The following RIMKLB variants were observed in gnomAD, a reference collection of about 807,000 sequenced individuals.
RIMKLB encodes beta-citrylglutamate synthase B.
A neutral mutation model predicts 32.0 loss-of-function variants in RIMKLB; 7 were observed. The ratio of observed to expected loss-of-function variants is 0.22; its 90% CI spans 0.12 to 0.41. The LOEUF (loss-of-function observed/expected upper bound fraction) is 0.41, where lower values mean the gene tolerates loss of function less well. Ranked by LOEUF, RIMKLB falls within the 10% of genes least tolerant of loss-of-function variation. The pLI, the probability that RIMKLB is intolerant of heterozygous loss-of-function variation, is 1.00. For synonymous variants in RIMKLB, 172 were observed against 185.1 expected (o/e 0.93, Z 0.57); for missense variants, 289 against 498.7 (o/e 0.58, Z 4.00).
intron 5 of RIMKLB, among the ~76,000 whole-genome samples, chr12:8,758,628 T>C (rs989594824): frequency 6.6e-6 from 1 of 152,216 alleles, no homozygotes; most frequent in Non-Finnish European, 1.5e-5. Flanking sequence ...CTCCACCCTT[T>C]GGTCATGTTC....
In RIMKLB at chr12:8,776,823, C is replaced by T; in HGVS notation, c.*3039C>T. The T allele has an allele frequency of 1.0e-6, 1 of 985,732 alleles. No homozygotes were observed. Among genetic ancestry groups the T allele is most frequent in the Non-Finnish European group, 1.2e-6 (1 of 829,884 alleles). The allele number at this position is 985,732 out of a possible 1,614,324, so 61.1% of individuals were successfully genotyped here. ...CAAGAGACTTGGCATTCATCAAGCACATTATCAGACTTTGAGAACATATTG... is the reference window on the plus strand; with the variant it reads ...CAAGAGACTTGGCATTCATCAAGCATATTATCAGACTTTGAGAACATATTG... On this transcript the variant is annotated 3_prime_UTR_variant, in exon 6 of 6. Transcript: ENST00000535829.
chr12:8,709,600 C>G (rs1944191673), intron 1 of RIMKLB, among the ~76,000 whole-genome samples: 2 of 152,194 alleles, frequency 1.3e-5, no homozygotes, highest in Admixed American at 1.3e-4. Flanking sequence ...TGGGGAGGCC[C>G]CATCGCTTGG....
chr12:8,769,970 A>ATTT, intron 5 of RIMKLB, among the ~76,000 whole-genome samples: 1 of 141,440 alleles, frequency 7.1e-6, no homozygotes, highest in Non-Finnish European at 1.5e-5. Flanking sequence ...TGTAGCAATA[A>ATTT]TTTTTTTTTT....
chr12:8,730,663 A>G (rs1166863738), intron 2 of RIMKLB, among the ~76,000 whole-genome samples: 4 of 152,254 alleles, frequency 2.6e-5, no homozygotes, highest in South Asian at 2.1e-4. Context: ...GATCAAGACA[A>G]CTTTGCATTG....
rs916420002 is a variant in RIMKLB, at chr12:8,776,587, T to C, written c.*2803T>C. 2.4e-6 allele frequency: 2 copies of C among 836,104 alleles called. No homozygotes were observed. The highest frequency in any genetic ancestry group is 1.1e-4 in the South Asian group (2 of 18,152). The allele number at this position is 836,104 out of a possible 1,614,324, so 51.8% of individuals were successfully genotyped here. On this transcript the variant is annotated 3_prime_UTR_variant, in exon 6 of 6. Coordinates refer to ENST00000535829, the MANE Select transcript of RIMKLB (RefSeq NM_001297776.2). Reference sequence around the variant, plus strand: ...ATTTCAAAAATGATTATTTCTGATATTGTTTTTATGTCACCCATGATGAAA... The same window carrying C: ...ATTTCAAAAATGATTATTTCTGATACTGTTTTTATGTCACCCATGATGAAA...
At chr12:8,723,670 C>G (rs1421936858) in intron 2 of RIMKLB, among the ~76,000 whole-genome samples, 2 of 152,128 alleles carry the variant, frequency 1.3e-5, no homozygotes, top group Non-Finnish European at 2.9e-5. Flanking sequence ...GTTTATTTCT[C>G]TCTAGATTAG....
At chr12:8,737,742 T>C (rs1390665752) in intron 2 of RIMKLB, among the ~76,000 whole-genome samples, 2 of 152,202 alleles carry the variant, frequency 1.3e-5, no homozygotes, top group African/African-American at 2.4e-5. Context: ...GGAGATGAGT[T>C]TCACTCTTGT....
upstream of RIMKLB, chr12:8,697,178 T>C (rs1416991520): frequency 6.6e-6 from 1 of 152,190 alleles, no homozygotes; most frequent in African/African-American, 2.4e-5. Context: ...TTGTCCAAGG[T>C]TTACGCCGGT....
Position 8,710,339 on chromosome 12 carries a change from G to A in RIMKLB, c.-56-3472G>A, listed in dbSNP as rs868403090. On this transcript the variant is annotated intron_variant, in intron 1 of 5. Transcript: ENST00000535829. ...TTTTTTTTTTTTTTGATGGAGTTTCGCTCTGTCACCCAGGCTGGAGAGCAG... is the reference window on the plus strand; with the variant it reads ...TTTTTTTTTTTTTTGATGGAGTTTCACTCTGTCACCCAGGCTGGAGAGCAG... Among the ~76,000 whole-genome samples, 28 of 128,370 alleles carry A rather than the reference G, an allele frequency of 2.2e-4. No individual in the cohort carries two copies. In the Middle Eastern group the frequency reaches 0.021, roughly 95 times the overall value. The allele number at this position is 128,370 out of a possible 152,430, so 84.2% of individuals were successfully genotyped here.
chr12:8,753,819 G>C, intron 4 of RIMKLB, 71 bp from the exon 5 acceptor site: 1 of 1,201,736 alleles, frequency 8.3e-7, no homozygotes, highest in Non-Finnish European at 1.2e-6. Flanking sequence ...GATACAAGAA[G>C]ATTCAGATAA....
intron 1 of RIMKLB, chr12:8,700,133 C>T (rs1040555371): frequency 4.6e-5 from 7 of 152,132 alleles, no homozygotes; most frequent in African/African-American, 1.4e-4. Flanking sequence ...CATTCAGGCC[C>T]CTTTTCCTCT....
At chr12:8,725,540 G>A (rs907788163) in intron 2 of RIMKLB, among the ~76,000 whole-genome samples, 1 of 152,146 alleles carries the variant, frequency 6.6e-6, no homozygotes, top group Non-Finnish European at 1.5e-5. Flanking sequence ...TCCTAGAGTT[G>A]CATCTTCCCA....
At chr12:8,765,277 G>A (rs914488911) in intron 5 of RIMKLB, among the ~76,000 whole-genome samples, 3 of 151,972 alleles carry the variant, frequency 2.0e-5, no homozygotes, top group Non-Finnish European at 4.4e-5. Context: ...CTTCTAGCAC[G>A]CAAGTTAGCA....
intron 2 of RIMKLB, among the ~76,000 whole-genome samples, chr12:8,748,534 G>A (rs1948317754): frequency 9.2e-6 from 1 of 108,846 alleles, no homozygotes; most frequent in African/African-American, 3.0e-5. Context: ...GTGTGTGTGT[G>A]TGTGTGTGTG....
At chr12:8,759,361 C>T (rs897887349) in intron 5 of RIMKLB, among the ~76,000 whole-genome samples, 2 of 152,192 alleles carry the variant, frequency 1.3e-5, no homozygotes, top group African/African-American at 4.8e-5. Flanking sequence ...TGTCACTGCA[C>T]TTCAGCCTGG....
intron 1 of RIMKLB, among the ~76,000 whole-genome samples, chr12:8,702,502 T>C (rs938953192): frequency 1.3e-5 from 2 of 152,228 alleles, no homozygotes; most frequent in East Asian, 3.8e-4. Flanking sequence ...TTCTTTTTTT[T>C]CCTTCTGATA....
chr12:8,740,133 T>G (rs1947366644), intron 2 of RIMKLB, among the ~76,000 whole-genome samples: 1 of 152,294 alleles, frequency 6.6e-6, no homozygotes, highest in South Asian at 2.1e-4. Context: ...CTCAGACTCC[T>G]CACCTCAAGT....
At chr12:8,702,284 G>A (rs1276990522) in intron 1 of RIMKLB, among the ~76,000 whole-genome samples, 3 of 152,202 alleles carry the variant, frequency 2.0e-5, no homozygotes, top group Non-Finnish European at 4.4e-5. Flanking sequence ...TATCCGAGCA[G>A]TGTCTGAAGG....
intron 5 of RIMKLB, among the ~76,000 whole-genome samples, chr12:8,761,042 T>C (rs112121090): frequency 0.033 from 5,022 of 152,264 alleles, 284 homozygotes; most frequent in African/African-American, 0.11. Context: ...TATGTTGATA[T>C]ATTTTAGATT....
Sources: gnomAD v4.1 joint callset for allele counts (sites outside exome capture counted in the v4.1 genomes callset) on GRCh38, gnomAD v4.1.1 for gene constraint, MANE v1.5 for transcripts, NCBI Gene and HGNC (gene_info 2026-07-23, HGNC 2026-07-21) for gene names.